The following PKHD1 variants were observed in gnomAD, a reference collection of about 807,000 sequenced individuals.
PKHD1 encodes PKHD1 ciliary IPT domain containing fibrocystin/polyductin.
PKHD1 carries 291 observed loss-of-function variants against 412.0 expected under a neutral mutation model. The ratio of observed to expected loss-of-function variants is 0.71; its 90% CI spans 0.64 to 0.78. PKHD1 has a LOEUF of 0.78. Ranked by LOEUF, PKHD1 falls within the 30% of genes least tolerant of loss-of-function variation. PKHD1 has a pLI of 0.00. For missense variants in PKHD1, 4,825 were observed against 4,950.7 expected, an observed-to-expected ratio of 0.97 and a Z score of 0.76; for synonymous variants, 1,777 against 1,821.5, an observed-to-expected ratio of 0.98 and a Z score of 0.62.
chr6:51,976,373 A>G (rs1391947286), intron 35 of PKHD1, among the ~76,000 whole-genome samples: 1 of 152,238 alleles, frequency 6.6e-6, no homozygotes, highest in Non-Finnish European at 1.5e-5. Flanking sequence ...ATATTATGCT[A>G]AAAGAAATAA....
intron 64 of PKHD1, among the ~76,000 whole-genome samples, chr6:51,634,180 T>G (rs541315216): frequency 7.9e-5 from 12 of 151,832 alleles, no homozygotes; most frequent in African/African-American, 2.9e-4. Context: ...GCAAAAAGAG[T>G]TTTTATTTTA....
chr6:51,907,967 G>C (rs1266907714), intron 40 of PKHD1, among the ~76,000 whole-genome samples: 2 of 152,088 alleles, frequency 1.3e-5, no homozygotes, highest in Admixed American at 1.3e-4. Context: ...GGGAGAGATA[G>C]GTTAGGTAAA....
At chr6:51,993,897 A>G (rs1797358466) in intron 35 of PKHD1, among the ~76,000 whole-genome samples, 1 of 152,216 alleles carries the variant, frequency 6.6e-6, no homozygotes, top group South Asian at 2.1e-4. Context: ...AAAGGGAGCT[A>G]AAAATGACCT....
chr6:51,667,104 C>T (rs1274284890), intron 60 of PKHD1, among the ~76,000 whole-genome samples: 2 of 147,492 alleles, frequency 1.4e-5, no homozygotes, highest in East Asian at 2.0e-4. Context: ...GTTCTAGATC[C>T]CTGAGGAATC....
chr6:51,692,457 T>G (rs1324702290), intron 60 of PKHD1, among the ~76,000 whole-genome samples: 1 of 152,210 alleles, frequency 6.6e-6, no homozygotes, highest in Non-Finnish European at 1.5e-5. Flanking sequence ...AGTCACTGAT[T>G]TCTCAAACAA....
chr6:51,750,653 G>A (rs986546), intron 57 of PKHD1, among the ~76,000 whole-genome samples: 48,674 of 151,934 alleles, frequency 0.32, 9,669 homozygotes, highest in East Asian at 0.68. Context: ...AATGTCTTAT[G>A]CTTCCATGGA....
intron 23 of PKHD1, among the ~76,000 whole-genome samples, chr6:52,047,028 G>T (rs754893319): frequency 1.3e-5 from 2 of 152,178 alleles, no homozygotes; most frequent in Non-Finnish European, 2.9e-5. Context: ...AAACGAAATT[G>T]TTATCCTTTT....
intron 35 of PKHD1, among the ~76,000 whole-genome samples, chr6:51,972,566 A>G (rs1793825104): frequency 2.0e-5 from 3 of 152,224 alleles, no homozygotes; most frequent in African/African-American, 7.2e-5. Context: ...CTTTCCTTGT[A>G]CGTGCAGATT....
chr6:51,979,439 T>C (rs1244993928), intron 35 of PKHD1, among the ~76,000 whole-genome samples: 1 of 152,154 alleles, frequency 6.6e-6, no homozygotes, highest in Non-Finnish European at 1.5e-5. Context: ...TTCTGATCTC[T>C]CTGCTTCCAA....
At chr6:51,968,091 A>G (rs1372735279) in intron 35 of PKHD1, among the ~76,000 whole-genome samples, 2 of 152,128 alleles carry the variant, frequency 1.3e-5, no homozygotes, top group African/African-American at 2.4e-5. Context: ...CAGAGGAAAA[A>G]GGAAGAAGCC....
At chr6:51,796,213 A>T (rs574255493) in intron 52 of PKHD1, among the ~76,000 whole-genome samples, 3 of 151,216 alleles carry the variant, frequency 2.0e-5, no homozygotes, top group Non-Finnish European at 3.0e-5. Context: ...CAGGGATTCA[A>T]TTCTTCCTCG....
chr6:51,949,220 T>G (rs1472937686), intron 36 of PKHD1, among the ~76,000 whole-genome samples: 1 of 152,210 alleles, frequency 6.6e-6, no homozygotes, highest in African/African-American at 2.4e-5. Context: ...CATTTTTTCT[T>G]AAAAAATTTA....
At chr6:51,917,519 G>A (rs1163825249) in intron 37 of PKHD1, among the ~76,000 whole-genome samples, 1 of 152,108 alleles carries the variant, frequency 6.6e-6, no homozygotes. Context: ...ACACTCAGGG[G>A]TGTACAGACA....
intron 36 of PKHD1, among the ~76,000 whole-genome samples, chr6:51,943,445 C>T (rs1788906692): frequency 6.6e-6 from 1 of 151,364 alleles, no homozygotes; most frequent in African/African-American, 2.4e-5. Context: ...AGTCATACTC[C>T]TATTCACCGT....
intron 55 of PKHD1, among the ~76,000 whole-genome samples, chr6:51,759,696 G>A (rs1195856504): frequency 2.0e-5 from 3 of 152,100 alleles, no homozygotes; most frequent in Non-Finnish European, 4.4e-5. Context: ...CCTGTCTTAA[G>A]GCTTACACTG....
intron 16 of PKHD1, 117 bp from the exon 17 acceptor site, chr6:52,057,096 C>A: frequency 2.7e-6 from 2 of 735,862 alleles, no homozygotes; most frequent in Admixed American, 4.0e-5. Flanking sequence ...ATAATTTTAA[C>A]TTTTCAATGC....
chr6:51,738,307 A>G (rs1784117911), intron 60 of PKHD1, among the ~76,000 whole-genome samples: 1 of 152,334 alleles, frequency 6.6e-6, no homozygotes, highest in East Asian at 1.9e-4. Flanking sequence ...AGAAATAGGA[A>G]ATAAAACTGT....
intron 46 of PKHD1, among the ~76,000 whole-genome samples, chr6:51,873,130 G>C (rs535664719): frequency 6.8e-4 from 104 of 152,144 alleles, no homozygotes; most frequent in Middle Eastern, 6.8e-3. Context: ...GTTACACGAT[G>C]ATCCAGCAAT....
intron 60 of PKHD1, chr6:51,721,040 G>A: frequency 4.1e-6 from 4 of 981,468 alleles, no homozygotes; most frequent in Non-Finnish European, 4.8e-6. Flanking sequence ...AGTATTTGAG[G>A]GTCAATAAGG....
Sources: gnomAD v4.1 joint callset for allele counts (sites outside exome capture counted in the v4.1 genomes callset) on GRCh38, gnomAD v4.1.1 for gene constraint, MANE v1.5 for transcripts, NCBI Gene and HGNC (gene_info 2026-07-23, HGNC 2026-07-21) for gene names.